The following HK1 variants were observed in gnomAD, a reference collection of about 807,000 sequenced individuals.
HK1 encodes hexokinase 1.
Under a neutral mutation model 91.6 loss-of-function variants are expected in HK1, and 28 were observed. That is an observed-to-expected ratio of 0.31 (90% CI 0.23 to 0.42). The LOEUF is 0.42. Ranked by LOEUF, HK1 falls within the 10% of genes least tolerant of loss-of-function variation. The pLI is 1.00. For missense variants in HK1, 770 were observed against 1,219.8 expected, an observed-to-expected ratio of 0.63 and a Z score of 5.49; for synonymous variants, 430 against 468.1, an observed-to-expected ratio of 0.92 and a Z score of 1.05.
upstream of HK1, chr10:69,318,210 G>T (rs971644935): frequency 1.0e-6 from 1 of 985,346 alleles, no homozygotes; most frequent in African/African-American, 1.7e-5. Flanking sequence ...CCGGGGAGAG[G>T]TGATGCACTG....
intron 1 of HK1, among the ~76,000 whole-genome samples, chr10:69,340,012 CA>C (rs1848211940): frequency 6.6e-6 from 1 of 152,200 alleles, no homozygotes. Flanking sequence ...CTGTAAGCCA[CA>C]AGAGAATTAT....
intron 5 of HK1, among the ~76,000 whole-genome samples, chr10:69,305,696 T>C (rs1589457483): frequency 6.6e-6 from 1 of 151,260 alleles, no homozygotes. Context: ...CTATTAAAAA[T>C]ACAAAAAATT....
intron 16 of HK1, among the ~76,000 whole-genome samples, chr10:69,396,405 T>G (rs1840142635): frequency 6.6e-6 from 1 of 152,062 alleles, no homozygotes; most frequent in African/African-American, 2.4e-5. Flanking sequence ...ATTAAGTACA[T>G]TCACATAGTC....
At chr10:69,358,190 C>CTAATCCCCA (rs1279145684) in intron 2 of HK1, among the ~76,000 whole-genome samples, 11 of 152,134 alleles carry the variant, frequency 7.2e-5, no homozygotes, top group South Asian at 2.1e-4. Context: ...GGGGATGTCA[C>CTAATCCCCA]CTTAGCATCA....
At chr10:69,360,158 A>T in intron 3 of HK1, 113 bp downstream of exon 3, 1 of 1,044,420 alleles carries the variant, frequency 9.6e-7, no homozygotes. Context: ...GGGTTGCTGG[A>T]AAGAGTCCCT....
At chr10:69,300,502 GA>G (rs1845806152) in intron 4 of HK1, 2 of 784,660 alleles carry the variant, frequency 2.5e-6, no homozygotes, top group African/African-American at 3.5e-5. Context: ...GATGCCAGCT[GA>G]GACTGTCAGT....
chr10:69,328,920 T>C (rs1201229425), intron 1 of HK1, among the ~76,000 whole-genome samples: 4 of 152,208 alleles, frequency 2.6e-5, no homozygotes, highest in African/African-American at 9.6e-5. Flanking sequence ...AGGCTTTTTG[T>C]GTCTAGCCTC....
Position 69,395,914 on chromosome 10 carries a change from GA to G in HK1, c.2375+815del, listed in dbSNP as rs760773622. Among the ~76,000 whole-genome samples, 8 of 152,282 alleles carry G rather than the reference GA, an allele frequency of 5.3e-5. No homozygotes were observed. In the South Asian group the frequency reaches 1.7e-3, roughly 32 times the overall value. ...TGTGAGAAGGAGGAAAAAAGGGTCAGAAAAAACAAAAGCAATTGTGCAAATA... is the reference window on the plus strand; with the variant it reads ...TGTGAGAAGGAGGAAAAAAGGGTCAGAAAAACAAAAGCAATTGTGCAAATA... On this transcript the variant is annotated intron_variant, in intron 16 of 17. Coordinates refer to ENST00000359426, the MANE Select transcript of HK1 (RefSeq NM_000188.3).
chr10:69,288,604 T>G, intron 2 of HK1: 1 of 803,270 alleles, frequency 1.2e-6, no homozygotes, highest in Non-Finnish European at 2.3e-6. Flanking sequence ...GCTTCCTAAT[T>G]GGTGAGGACA....
chr10:69,397,221 C>T (rs1489466565), intron 16 of HK1, among the ~76,000 whole-genome samples: 1 of 152,144 alleles, frequency 6.6e-6, no homozygotes, highest in Non-Finnish European at 1.5e-5. Flanking sequence ...GTTTGTGGAA[C>T]CACCATGTTG....
At chr10:69,382,389 G>C in intron 9 of HK1, 98 bp from the exon 10 acceptor site, 1 of 1,314,230 alleles carries the variant, frequency 7.6e-7, no homozygotes, top group South Asian at 1.2e-5. Context: ...AAAAGGAAAA[G>C]AAAAAAGAGT....
At chr10:69,330,199 C>T (rs1847634752) in intron 1 of HK1, among the ~76,000 whole-genome samples, 1 of 152,182 alleles carries the variant, frequency 6.6e-6, no homozygotes, top group South Asian at 2.1e-4. Context: ...TCTCCTGGTG[C>T]CTTCTAGGAC....
intron 5 of HK1, among the ~76,000 whole-genome samples, chr10:69,310,365 G>A (rs973162939): frequency 1.4e-5 from 2 of 147,342 alleles, no homozygotes; most frequent in Non-Finnish European, 3.0e-5. Flanking sequence ...AGGTTGCAGT[G>A]AGCCGAGATC....
intron 1 of HK1, among the ~76,000 whole-genome samples, chr10:69,273,784 C>T (rs1300278529): frequency 6.6e-6 from 1 of 152,190 alleles, no homozygotes; most frequent in Non-Finnish European, 1.5e-5. Flanking sequence ...GTAGAATATC[C>T]ATGTCCTTTT....
rs1314213454 is a variant in HK1 at position 69,401,161 on chromosome 10, C to T, written c.*26C>T. 2 of 1,607,792 alleles carry T rather than the reference C, an allele frequency of 1.2e-6. No individual in the cohort carries two copies. The highest frequency in any genetic ancestry group is 2.2e-5 in the East Asian group (1 of 44,686). ...GAGTCCGGGATCCCCAGCCTACTGCCTCTCCAGCACTTCTCTCTTCAAGCG... is the reference window on the plus strand; with the variant it reads ...GAGTCCGGGATCCCCAGCCTACTGCTTCTCCAGCACTTCTCTCTTCAAGCG... On this transcript the variant is annotated 3_prime_UTR_variant, in exon 18 of 18. Transcript: ENST00000359426.
At chr10:69,360,460 G>GT (rs1564540367) in intron 3 of HK1, among the ~76,000 whole-genome samples, 1 of 152,240 alleles carries the variant, frequency 6.6e-6, no homozygotes, top group African/African-American at 2.4e-5. Flanking sequence ...CCCCGGCCTT[G>GT]TAGGGTATGG....
intron 1 of HK1, among the ~76,000 whole-genome samples, chr10:69,337,802 G>A (rs2132656109): frequency 1.3e-5 from 2 of 152,356 alleles, no homozygotes; most frequent in Middle Eastern, 6.8e-3. Flanking sequence ...GGATGAGAGA[G>A]GGAGTGAAAT....
At chr10:69,339,199 A>G (rs1848173909) in intron 1 of HK1, among the ~76,000 whole-genome samples, 1 of 152,232 alleles carries the variant, frequency 6.6e-6, no homozygotes, top group Non-Finnish European at 1.5e-5. Flanking sequence ...AAAGGCCCAC[A>G]GTCCAGAGGG....
At chr10:69,389,357 TG>T in intron 14 of HK1, 61 bp downstream of exon 14, 1 of 1,261,852 alleles carries the variant, frequency 7.9e-7, no homozygotes, top group Non-Finnish European at 1.1e-6. Flanking sequence ...CCCCGTTTTG[TG>T]GGGCCTTGGC....
Sources: allele counts gnomAD v4.1 joint callset (sites outside exome capture counted in the v4.1 genomes callset), GRCh38; gene constraint gnomAD v4.1.1; transcripts MANE v1.5; gene names NCBI Gene and HGNC (gene_info 2026-07-23, HGNC 2026-07-21).